The following PSMD14 variants were observed in gnomAD, a reference collection of about 807,000 sequenced individuals.
PSMD14 encodes ubiquitin C-terminal hydrolase PSMD14.
PSMD14 carries 7 observed loss-of-function variants against 41.2 expected under a neutral mutation model. The observed-to-expected ratio is 0.17, with a 90% CI of 0.10 to 0.32. PSMD14 has a LOEUF of 0.32. Ranked by LOEUF, PSMD14 falls within the 10% of genes least tolerant of loss-of-function variation. The pLI is 1.00. For missense variants in PSMD14, 139 were observed against 375.6 expected, an observed-to-expected ratio of 0.37 and a Z score of 5.21; for synonymous variants, 114 against 122.3, an observed-to-expected ratio of 0.93 and a Z score of 0.45.
At chr2:161,332,800 G>C (rs115303359) in intron 3 of PSMD14, among the ~76,000 whole-genome samples, 101 of 152,320 alleles carry the variant, frequency 6.6e-4, no homozygotes, top group African/African-American at 2.4e-3. Context: ...GGCCTGTGCT[G>C]GGATTACACC....
intron 3 of PSMD14, among the ~76,000 whole-genome samples, chr2:161,366,170 G>A (rs1405413500): frequency 6.6e-6 from 1 of 152,078 alleles, no homozygotes. Flanking sequence ...ACTGCATTAG[G>A]TGATAATAGA....
intron 3 of PSMD14, among the ~76,000 whole-genome samples, chr2:161,362,852 C>T (rs756828972): frequency 3.3e-5 from 5 of 152,202 alleles, no homozygotes; most frequent in Non-Finnish European, 7.3e-5. Flanking sequence ...TATTGCCTCA[C>T]ATATGATGGT....
intron 3 of PSMD14, among the ~76,000 whole-genome samples, chr2:161,357,101 A>G (rs1683218843): frequency 1.1e-5 from 1 of 90,010 alleles, no homozygotes; most frequent in Non-Finnish European, 2.2e-5. Flanking sequence ...CACTTAGTCA[A>G]CAAGGGCTAC....
chr2:161,353,104 T>A (rs1256546949), intron 3 of PSMD14, among the ~76,000 whole-genome samples: 8 of 152,232 alleles, frequency 5.3e-5, no homozygotes, highest in Admixed American at 4.6e-4. Flanking sequence ...TTTAAGACTA[T>A]GAGTCAGATG....
chr2:161,323,640 G>A (rs1428541154), intron 3 of PSMD14, among the ~76,000 whole-genome samples: 1 of 151,744 alleles, frequency 6.6e-6, no homozygotes, highest in Non-Finnish European at 1.5e-5. Flanking sequence ...TCCAGCCTGG[G>A]TGACAGAGTG....
rs371323803 is a variant in PSMD14, at chr2:161,326,327, A to G, written c.48+7454A>G. ...ATTATAGGCAAGAGCCACCATGCCC[A>G]GTCCAAACTTCATAATTTTTGCAGG... is the stretch of plus-strand genomic sequence containing the variant. On this transcript the variant is annotated intron_variant, in intron 3 of 11. Transcript: ENST00000409682. Among the ~76,000 whole-genome samples the G allele has an allele frequency of 8.4e-4, 128 of 152,270 alleles. 1 individual carries two copies. The East Asian group carries it at 0.018, about 22-fold the overall frequency.
chr2:161,389,928 C>G (rs1396169177), intron 8 of PSMD14, among the ~76,000 whole-genome samples: 1 of 17,126 alleles, frequency 5.8e-5, no homozygotes, highest in African/African-American at 1.8e-4. Flanking sequence ...TGGGGTATTG[C>G]TATGTTGTCC....
intron 3 of PSMD14, among the ~76,000 whole-genome samples, chr2:161,325,877 T>G (rs1382986085): frequency 2.0e-5 from 3 of 152,046 alleles, no homozygotes; most frequent in African/African-American, 7.2e-5. Context: ...GTAATATAAG[T>G]GACATTAAAA....
rs376452471 is a variant in PSMD14, at chr2:161,346,322, C to T, written c.49-21156C>T. 2.1e-4 allele frequency among the ~76,000 whole-genome samples: 32 copies of T among 152,168 alleles called. 2 individuals carry two copies. The South Asian group carries it at 6.6e-3, about 32-fold the overall frequency. On this transcript the variant is annotated intron_variant, in intron 3 of 11. Coordinates refer to ENST00000409682, the MANE Select transcript of PSMD14 (RefSeq NM_005805.6). ...TCTCTGAACTCACCCCCTGCTTTAT[C>T]CTATTGCTAGTGGTACATTGTCATT...
intron 10 of PSMD14, among the ~76,000 whole-genome samples, chr2:161,397,347 C>G (rs1486966781): frequency 2.0e-5 from 3 of 152,060 alleles, no homozygotes; most frequent in Non-Finnish European, 2.9e-5. Context: ...TAAAGCATGG[C>G]ACTGGTCGGA....
intron 10 of PSMD14, chr2:161,407,466 T>G (rs1482943645): frequency 6.6e-6 from 1 of 152,132 alleles, no homozygotes; most frequent in Non-Finnish European, 1.5e-5. Flanking sequence ...CTATTCACTA[T>G]CTTTTCTCTT....
At chr2:161,327,571 A>G (rs911497406) in intron 3 of PSMD14, among the ~76,000 whole-genome samples, 1 of 152,070 alleles carries the variant, frequency 6.6e-6, no homozygotes, top group Non-Finnish European at 1.5e-5. Context: ...TTATGACCTC[A>G]AGATAGGAAA....
chr2:161,409,395 G>A (rs1683995952), intron 11 of PSMD14, among the ~76,000 whole-genome samples: 1 of 151,970 alleles, frequency 6.6e-6, no homozygotes, highest in Non-Finnish European at 1.5e-5. Flanking sequence ...TCTGAGGGTG[G>A]GGGAAGACAC....
intron 10 of PSMD14, chr2:161,407,434 T>TG (rs1446594261): frequency 1.3e-5 from 2 of 152,138 alleles, no homozygotes; most frequent in African/African-American, 2.4e-5. Flanking sequence ...AAGTATCCTT[T>TG]GATAATCAGT....
intron 3 of PSMD14, among the ~76,000 whole-genome samples, chr2:161,332,807 C>T (rs1017374856): frequency 1.3e-5 from 2 of 152,208 alleles, no homozygotes; most frequent in Non-Finnish European, 2.9e-5. Flanking sequence ...GCTGGGATTA[C>T]ACCAGAGTGC....
intron 2 of PSMD14, 58 bp downstream of exon 2, chr2:161,316,627 T>C (rs1689150889): frequency 6.6e-6 from 1 of 152,192 alleles, no homozygotes; most frequent in African/African-American, 2.4e-5. Context: ...GATAGAGAGA[T>C]AGTATGAAAA....
chr2:161,350,015 A>G (rs1683096949), intron 3 of PSMD14, among the ~76,000 whole-genome samples: 1 of 152,218 alleles, frequency 6.6e-6, no homozygotes, highest in South Asian at 2.1e-4. Flanking sequence ...GGGAATGTCC[A>G]TTTGGTGAGG....
intron 3 of PSMD14, among the ~76,000 whole-genome samples, chr2:161,326,820 G>A (rs1031564504): frequency 1.3e-5 from 2 of 152,130 alleles, no homozygotes; most frequent in Non-Finnish European, 2.9e-5. Context: ...ACAGTCTCTC[G>A]CATACATTAA....
At chr2:161,369,090 A>G (rs1321741836) in intron 5 of PSMD14, among the ~76,000 whole-genome samples, 1 of 151,912 alleles carries the variant, frequency 6.6e-6, no homozygotes, top group African/African-American at 2.4e-5. Flanking sequence ...CTGTCTTTTT[A>G]TATTAGGCTA....
Sources: allele counts gnomAD v4.1 joint callset (sites outside exome capture counted in the v4.1 genomes callset), GRCh38; gene constraint gnomAD v4.1.1; transcripts MANE v1.5; gene names NCBI Gene and HGNC (gene_info 2026-07-23, HGNC 2026-07-21).